Variants in TTLL5 observed in about 807,000 individuals in gnomAD.
The protein encoded by TTLL5 is tubulin tyrosine ligase like 5, also known as tubulin polyglutamylase TTLL5.
A neutral mutation model predicts 168.4 loss-of-function variants in TTLL5; 132 were observed. The observed-to-expected ratio is 0.78, with a 90% CI of 0.68 to 0.91. The LOEUF (loss-of-function observed/expected upper bound fraction) is 0.91, where lower values mean the gene tolerates loss of function less well. Among genes scored for constraint, TTLL5 ranks in the 40% least tolerant of loss-of-function variants. The pLI is 0.00. For missense variants in TTLL5, 1,545 were observed against 1,581.5 expected (o/e 0.98, Z 0.39); for synonymous variants, 546 against 558.6 (o/e 0.98, Z 0.32).
At chr14:75,811,534 A>G (rs1894030360) in intron 27 of TTLL5, among the ~76,000 whole-genome samples, 2 of 152,158 alleles carry the variant, frequency 1.3e-5, no homozygotes, top group Admixed American at 6.5e-5. Context: ...GAGGTCTTAA[A>G]TACTGCTTTT....
Position 75,697,710 on chromosome 14 carries a change from T to G in TTLL5, c.503-1478T>G, listed in dbSNP as rs1006923499. On this transcript the variant is annotated intron_variant, in intron 6 of 31. Coordinates refer to ENST00000298832, the MANE Select transcript of TTLL5 (RefSeq NM_015072.5). ...GGCCCAAATGCAGGGTGGAGGGAAG[T>G]GTGCAAAACTTCAGGACTCCAGTAT... Among the ~76,000 whole-genome samples the G allele has an allele frequency of 2.0e-5, 3 of 152,228 alleles. No homozygotes were observed. In the South Asian group the frequency reaches 6.2e-4, roughly 32 times the overall value.
intron 30 of TTLL5, among the ~76,000 whole-genome samples, chr14:75,898,807 A>C (rs2032790774): frequency 6.6e-6 from 1 of 152,234 alleles, no homozygotes; most frequent in African/African-American, 2.4e-5. Flanking sequence ...TGTCAATCTC[A>C]AATGTGGCGT....
At chr14:75,792,417 A>G (rs1422933376) in intron 26 of TTLL5, among the ~76,000 whole-genome samples, 1 of 152,010 alleles carries the variant, frequency 6.6e-6, no homozygotes, top group Non-Finnish European at 1.5e-5. Context: ...TATAAAAAAA[A>G]AAAGAAAATA....
intron 12 of TTLL5, among the ~76,000 whole-genome samples, chr14:75,726,503 G>C (rs1888192289): frequency 6.6e-6 from 1 of 152,164 alleles, no homozygotes; most frequent in African/African-American, 2.4e-5. Flanking sequence ...CATGGACCCT[G>C]CCCTCAAGTG....
intron 26 of TTLL5, among the ~76,000 whole-genome samples, chr14:75,788,755 G>A (rs1192815594): frequency 6.6e-6 from 1 of 152,004 alleles, no homozygotes; most frequent in Admixed American, 6.5e-5. Context: ...TATTCTGTAT[G>A]GCTAGTTTTA....
intron 30 of TTLL5, among the ~76,000 whole-genome samples, chr14:75,893,536 C>T (rs889564642): frequency 5.9e-5 from 9 of 152,078 alleles, no homozygotes; most frequent in South Asian, 2.1e-4. Context: ...AGAGTGAAGG[C>T]GGCTGGGCAC....
chr14:75,773,438 C>T (rs778485094), intron 21 of TTLL5, among the ~76,000 whole-genome samples: 1 of 152,022 alleles, frequency 6.6e-6, no homozygotes, highest in Non-Finnish European at 1.5e-5. Context: ...GGACAATGAA[C>T]CAAAATCAAA....
chr14:75,855,413 C>T (rs770750079), intron 28 of TTLL5, among the ~76,000 whole-genome samples: 5 of 152,124 alleles, frequency 3.3e-5, no homozygotes, highest in African/African-American at 9.7e-5. Context: ...GGAATTGCCA[C>T]GGGTGAGTTT....
chr14:75,929,447 C>CTTTT (rs370380415), intron 31 of TTLL5, among the ~76,000 whole-genome samples: 4,909 of 120,760 alleles, frequency 0.041, 247 homozygotes, highest in Non-Finnish European at 0.06. Flanking sequence ...ATAAAGATAC[C>CTTTT]TTTTTTTTTT....
intron 10 of TTLL5, among the ~76,000 whole-genome samples, chr14:75,719,455 C>T (rs1887702747): frequency 6.6e-6 from 1 of 152,206 alleles, no homozygotes; most frequent in African/African-American, 2.4e-5. Context: ...ATTGCTTTCA[C>T]TCTTTCTTGA....
rs997655860 is a variant in TTLL5 at position 75,764,916 on chromosome 14, T to C, written c.1708+144T>C. On this transcript the variant is annotated intron_variant, in intron 19 of 31. Transcript: ENST00000298832. Reference sequence around the variant, plus strand: ...ATATAGTTTTTTCTCTGAAACTTAATTTCAACAAAGTCTTAAGTTTTTAAA... The same window carrying C: ...ATATAGTTTTTTCTCTGAAACTTAACTTCAACAAAGTCTTAAGTTTTTAAA... The C allele has an allele frequency of 4.2e-6, 4 of 954,754 alleles. No individual in the cohort carries two copies. In the Admixed American group the frequency reaches 1.2e-4, roughly 28 times the overall value. The allele number at this position is 954,754 out of a possible 1,614,324, so 59.1% of individuals were successfully genotyped here.
At chr14:75,944,263 G>A (rs1296555967) in intron 31 of TTLL5, among the ~76,000 whole-genome samples, 3 of 152,148 alleles carry the variant, frequency 2.0e-5, no homozygotes, top group South Asian at 2.1e-4. Context: ...ATACTTTGCT[G>A]TGTGACTCGA....
At chr14:75,721,596 A>G (rs1000280043) in intron 12 of TTLL5, among the ~76,000 whole-genome samples, 2 of 152,152 alleles carry the variant, frequency 1.3e-5, no homozygotes, top group African/African-American at 4.8e-5. Context: ...AACCATGTAT[A>G]TCCATATCTA....
intron 21 of TTLL5, among the ~76,000 whole-genome samples, chr14:75,774,073 G>T (rs1891566786): frequency 6.6e-6 from 1 of 151,270 alleles, no homozygotes; most frequent in East Asian, 1.9e-4. Context: ...TAGATGTAGA[G>T]TTGGCCTCTG....
intron 15 of TTLL5, among the ~76,000 whole-genome samples, chr14:75,738,713 G>A (rs544172579): frequency 2.0e-4 from 30 of 152,252 alleles, no homozygotes; most frequent in African/African-American, 6.3e-4. Context: ...TGGAACTAAT[G>A]TACTGAAAGG....
chr14:75,740,953 C>G (rs1186301117), intron 15 of TTLL5, among the ~76,000 whole-genome samples: 5 of 152,112 alleles, frequency 3.3e-5, no homozygotes. Context: ...ATGACATAGT[C>G]TTAGGATATC....
At chr14:75,695,902 C>G (rs1270491071) in intron 6 of TTLL5, among the ~76,000 whole-genome samples, 1 of 127,130 alleles carries the variant, frequency 7.9e-6, no homozygotes, top group East Asian at 2.7e-4. Context: ...TCCTTCCCTT[C>G]CCCTCCCCTC....
At chr14:75,925,159 C>T (rs1296053571) in intron 31 of TTLL5, among the ~76,000 whole-genome samples, 5 of 145,592 alleles carry the variant, frequency 3.4e-5, no homozygotes, top group Admixed American at 1.3e-4. Flanking sequence ...ACCTCCCTCC[C>T]GGACGGGGCG....
intron 17 of TTLL5, among the ~76,000 whole-genome samples, chr14:75,750,117 A>G (rs903497669): frequency 6.6e-6 from 1 of 152,062 alleles, no homozygotes; most frequent in Admixed American, 6.6e-5. Context: ...CTTGGGTCAG[A>G]TATTCTGATC....
Sources: gnomAD v4.1 joint callset for allele counts (sites outside exome capture counted in the v4.1 genomes callset) on GRCh38, gnomAD v4.1.1 for gene constraint, MANE v1.5 for transcripts, NCBI Gene and HGNC (gene_info 2026-07-23, HGNC 2026-07-21) for gene names.